The following PPL variants were observed in gnomAD, a reference collection of about 807,000 sequenced individuals.
PPL encodes 190 kDa paraneoplastic pemphigus antigen.
Under a neutral mutation model 194.4 loss-of-function variants are expected in PPL, and 198 were observed. The observed-to-expected ratio is 1.02, with a 90% CI of 0.91 to 1.15. The LOEUF is 1.15. Ranked by LOEUF, PPL falls within the 50% of genes most tolerant of loss-of-function variation. The pLI is 0.00. For synonymous variants in PPL, 1,220 were observed against 972.4 expected (o/e 1.25, Z -4.74); for missense variants, 2,885 against 2,294.8 (o/e 1.26, Z -5.25).
intron 1 of PPL, among the ~76,000 whole-genome samples, chr16:4,919,887 C>T (rs971117602): frequency 6.6e-6 from 1 of 151,984 alleles, no homozygotes; most frequent in African/African-American, 2.4e-5. Flanking sequence ...TGAGTGAGAT[C>T]GCACCACTGC....
rs80062245 is a variant in PPL at position 4,922,043 on chromosome 16, T to C, written c.63-11094A>G. Among the ~76,000 whole-genome samples, 626 of 152,270 alleles carry C rather than the reference T, an allele frequency of 4.1e-3. 5 individuals carry two copies. The highest frequency in any genetic ancestry group is 0.015 in the African/African-American group (604 of 41,546). On this transcript the variant is annotated intron_variant, in intron 1 of 21. Transcript: ENST00000345988. ...TCGCTCTCCACCTCCTGGGTCTCTC[T>C]TCCTGCTTTAATTTTGTGCGGGTGC...
At chr16:4,909,516 T>C (rs1171549340) in intron 2 of PPL, among the ~76,000 whole-genome samples, 1 of 139,584 alleles carries the variant, frequency 7.2e-6, no homozygotes, top group Non-Finnish European at 1.5e-5. Context: ...AACCTCCGCC[T>C]CCCGGGTTCA....
At position 4,899,260 on chromosome 16, in the gene PPL, C is replaced by T. The variant is rs147843700; in HGVS notation, c.731G>A (p.Arg244His). 145 of 1,613,836 alleles carry T rather than the reference C, an allele frequency of 9.0e-5. No homozygotes were observed. The East Asian group carries it at 2.6e-3, about 29-fold the overall frequency. Residue 244 changes from arginine (R) to histidine (H), a missense_variant, in exon 7 of 22, where the codon CGC (arginine) becomes CAC (histidine). Physicochemically the swap from Arg to His is conservative, Grantham distance 29. Transcript: ENST00000345988. ...CCGGCGGCTGGGGTAGTCGAGGTTG[C>T]GGTCACTCCAGTCGTACTGCATGCG... is the stretch of plus-strand genomic sequence containing the variant. Reference protein sequence around the residue: ...KGRMQYDWSDRNLDYPSRRRQ... With the variant: ...KGRMQYDWSDHNLDYPSRRRQ...
intron 2 of PPL, 62 bp downstream of exon 2, chr16:4,910,788 T>C (rs1295239233): frequency 1.4e-6 from 2 of 1,380,580 alleles, no homozygotes; most frequent in African/African-American, 2.9e-5. Flanking sequence ...AAACAGATCC[T>C]GGTCCTGAAC....
At position 4,886,041 on chromosome 16, in the gene PPL, C is replaced by G. The variant is rs2088214820; in HGVS notation, c.2614G>C (p.Glu872Gln). 6.2e-7 allele frequency: 1 copy of G among 1,613,970 alleles called. No homozygotes were observed. Among genetic ancestry groups the G allele is most frequent in the East Asian group, 2.2e-5 (1 of 44,886 alleles). Residue 872 changes from glutamate to glutamine, a missense_variant, in exon 22 of 22, where the codon GAA (glutamate) becomes CAA (glutamine). Coordinates refer to ENST00000345988, the MANE Select transcript of PPL (RefSeq NM_002705.5). ...AGGGTCTCATGGGTCACTTCTACTT[C>G]CGGCTGCTGTGATGGAGAAGACAAG... ...FALNLLRQQP[E>Q]VEVTHETLQR...
chr16:4,897,519 C>G (rs950865454), intron 9 of PPL, among the ~76,000 whole-genome samples, 156 bp downstream of exon 9: 4 of 152,056 alleles, frequency 2.6e-5, no homozygotes, highest in Non-Finnish European at 5.9e-5. Context: ...TGTCTGCACA[C>G]GCCATCAGAA....
At chr16:4,925,029 C>G (rs1459861541) in intron 1 of PPL, among the ~76,000 whole-genome samples, 1 of 152,226 alleles carries the variant, frequency 6.6e-6, no homozygotes, top group Non-Finnish European at 1.5e-5. Context: ...GCCAGGGCCA[C>G]TGGCCTTTGA....
chr16:4,890,805 C>CG lies in PPL; in HGVS notation c.2084dup (p.Asp696GlyfsTer45), dbSNP rs2088305288. 6.2e-7 allele frequency: 1 copy of CG among 1,603,270 alleles called. No individual in the cohort carries two copies. The highest frequency in any genetic ancestry group is 1.3e-5 in the African/African-American group (1 of 74,776). On this transcript the variant is annotated frameshift_variant, in exon 17 of 22. Transcript: ENST00000345988. LOFTEE classifies it high-confidence loss of function. ...CCTCGGCCTCCTGGCGCTCCAGGTC[C>CG]GGACAGTGCTCCTGGAAGCGGCTGG...
At chr16:4,934,611 G>A (rs1568071226) in intron 1 of PPL, among the ~76,000 whole-genome samples, 1 of 152,088 alleles carries the variant, frequency 6.6e-6, no homozygotes, top group Non-Finnish European at 1.5e-5. Flanking sequence ...CCCCCATGCT[G>A]AATCTCACCA....
chr16:4,893,418 T>C (rs758937276), intron 13 of PPL, 48 bp from the exon 14 acceptor site: 1 of 1,594,760 alleles, frequency 6.3e-7, no homozygotes, highest in South Asian at 1.1e-5. Flanking sequence ...GGGCCAGGGG[T>C]GTGAGGCCCA....
chr16:4,932,309 C>T (rs2089235058), intron 1 of PPL, among the ~76,000 whole-genome samples: 1 of 152,232 alleles, frequency 6.6e-6, no homozygotes, highest in Non-Finnish European at 1.5e-5. Flanking sequence ...GGTCCCCTCC[C>T]ATATCGATCA....
chr16:4,933,533 G>C (rs1463996116), intron 1 of PPL, among the ~76,000 whole-genome samples: 4 of 152,168 alleles, frequency 2.6e-5, no homozygotes, highest in Admixed American at 6.5e-5. Context: ...CCTCTGTGAA[G>C]TCCTCCCTCA....
chr16:4,890,360 C>T (rs1174081197), intron 17 of PPL, 26 bp from the exon 18 acceptor site: 2 of 1,571,396 alleles, frequency 1.3e-6, no homozygotes, highest in Admixed American at 1.9e-5. Flanking sequence ...GTTCAGGCCT[C>T]AGCCACAGCA....
Position 4,885,620 on chromosome 16 carries a change from T to C in PPL, c.3035A>G (p.Gln1012Arg), listed in dbSNP as rs2088203130. ...PDRAQADEVLQLREELEALRR... is the reference protein window; with the variant it reads ...PDRAQADEVLRLREELEALRR... ...CAGTGCCTCCAGCTCCTCCCGCAGC[T>C]GCAAGACCTCATCCGCCTGGGCCCT... The change falls in exon 22 of 22, where the codon CAG (glutamine) becomes CGG (arginine). Residue 1012 changes from glutamine to arginine, a missense_variant. Transcript: ENST00000345988. The surrounding 1 kb of genome is among the most constrained non-coding windows in gnomAD (Gnocchi z 6.3). 6.2e-6 allele frequency: 10 copies of C among 1,612,582 alleles called. No homozygotes were observed. In the East Asian group the frequency reaches 2.2e-4, roughly 36 times the overall value.
intron 1 of PPL, among the ~76,000 whole-genome samples, chr16:4,920,333 A>AAG (rs1162923677): frequency 1.5e-3 from 112 of 73,718 alleles, no homozygotes; most frequent in African/African-American, 2.9e-3. Flanking sequence ...GAAAGAAAGA[A>AAG]AGAGAGAGAG....
intron 2 of PPL, among the ~76,000 whole-genome samples, chr16:4,905,529 C>T (rs1227718592): frequency 2.0e-5 from 3 of 152,214 alleles, no homozygotes; most frequent in African/African-American, 7.2e-5. Flanking sequence ...GGTTCTGCCC[C>T]TTGCTAAAGT....
intron 19 of PPL, 147 bp downstream of exon 19, chr16:4,888,831 G>C: frequency 4.0e-6 from 3 of 747,924 alleles, no homozygotes; most frequent in Non-Finnish European, 4.8e-6. Flanking sequence ...CCAAAAGCCT[G>C]TGCCAGTTTG....
Position 4,910,395 on chromosome 16 carries a change from G to C in PPL, c.162+455C>G, listed in dbSNP as rs75058205. On this transcript the variant is annotated intron_variant, in intron 2 of 21. Coordinates refer to ENST00000345988, the MANE Select transcript of PPL (RefSeq NM_002705.5). ...GAACCATCACTCCTGCCTGCTTAGA[G>C]AGAATCTCGTTCATGGGGAGGTGGG... 8.9e-4 allele frequency among the ~76,000 whole-genome samples: 136 copies of C among 152,288 alleles called. 3 individuals carry two copies. The East Asian group carries it at 0.025, about 28-fold the overall frequency.
chr16:4,905,840 C>A lies in PPL; in HGVS notation c.163-1800G>T, dbSNP rs181381039. Among the ~76,000 whole-genome samples, 593 of 152,262 alleles carry A rather than the reference C, an allele frequency of 3.9e-3. 4 individuals are homozygous for A. The highest frequency in any genetic ancestry group is 0.01 in the Middle Eastern group (3 of 294). On this transcript the variant is annotated intron_variant, in intron 2 of 21. Coordinates refer to ENST00000345988, the MANE Select transcript of PPL (RefSeq NM_002705.5). ...CCGCTGGAGGCCAGGCACAGTGGCT[C>A]ATATCTGTAATCTTAACACTTTGGG...
Sources: allele counts gnomAD v4.1 joint callset (sites outside exome capture counted in the v4.1 genomes callset), GRCh38; gene constraint gnomAD v4.1.1; non-coding constraint Gnocchi (gnomAD v3.1); transcripts MANE v1.5; gene names NCBI Gene and HGNC (gene_info 2026-07-23, HGNC 2026-07-21).